BAZ1B: variants seen among roughly 807,000 people sequenced by gnomAD.
BAZ1B encodes the protein bromodomain adjacent to zinc finger domain 1B, also known as tyrosine-protein kinase BAZ1B.
Under a neutral mutation model 153.8 loss-of-function variants are expected in BAZ1B, and 22 were observed. That is an observed-to-expected ratio of 0.14 (90% CI 0.10 to 0.20). The LOEUF is 0.20. BAZ1B is among the 10% of genes least tolerant of loss of function. The probability of loss-of-function intolerance (pLI) is 1.00; values close to 1 mark genes in which losing one functional copy is unlikely to be tolerated. For missense variants in BAZ1B, 1,325 were observed against 1,799.3 expected (o/e 0.74, Z 4.77); for synonymous variants, 676 against 633.4 (o/e 1.07, Z -1.01).
intron 5 of BAZ1B, among the ~76,000 whole-genome samples, chr7:73,492,138 G>A (rs1353009184): frequency 4.0e-5 from 6 of 151,710 alleles, no homozygotes; most frequent in African/African-American, 1.2e-4. Context: ...GATTATAGGC[G>A]TGCGCCACCA....
Position 73,442,531 on chromosome 7 carries a change from C to A in BAZ1B, c.4117G>T (p.Ala1373Ser). The A allele has an allele frequency of 6.2e-7, 1 of 1,611,626 alleles. No individual in the cohort carries two copies. Among genetic ancestry groups the A allele is most frequent in the Non-Finnish European group, 8.5e-7 (1 of 1,178,192 alleles). ...PFREPVTRDEAEDYYDVITHP... is the reference protein window; with the variant it reads ...PFREPVTRDESEDYYDVITHP... ...GTGATCACATCATAGTAGTCCTCGG[C>A]CTCATCTCTGGTCACAGGCTCCCTG... is the stretch of plus-strand genomic sequence containing the variant. The change falls in exon 19 of 20, where the codon GCC (alanine) becomes TCC (serine). Residue 1373 changes from alanine (A) to serine (S), a missense_variant. By Grantham distance (99) the Ala-to-Ser change is moderately conservative (BLOSUM62 1). This residue lies in a region of BAZ1B where 271 missense variants were observed against 337.2 expected (regional missense o/e 0.80). Transcript: ENST00000339594.
chr7:73,463,996 G>A lies in BAZ1B; in HGVS notation c.3072-897C>T, dbSNP rs553365187. ...GCTGGGATTACAGGCGTGAGCCACC[G>A]CGGCCGGCCCTCCTCTGTCTTTCTT... On this transcript the variant is annotated intron_variant, in intron 11 of 19. Transcript: ENST00000339594. 1.3e-3 allele frequency: 658 copies of A among 507,570 alleles called. 4 individuals carry two copies. Among genetic ancestry groups the A allele is most frequent in the African/African-American group, 0.01 (496 of 47,758 alleles). 31.4% of individuals were successfully genotyped at this position (507,570 alleles called of 1,614,324 possible).
chr7:73,502,910 T>C (rs1273288952), intron 3 of BAZ1B, among the ~76,000 whole-genome samples: 2 of 152,224 alleles, frequency 1.3e-5, no homozygotes, highest in Non-Finnish European at 2.9e-5. Context: ...TTGAGCCTTC[T>C]ATAAATGTAA....
intron 1 of BAZ1B, among the ~76,000 whole-genome samples, chr7:73,513,533 G>A (rs1196101425): frequency 6.6e-6 from 1 of 152,086 alleles, no homozygotes; most frequent in Non-Finnish European, 1.5e-5. Context: ...TCCAATCACC[G>A]AAAAATTTTC....
chr7:73,481,003 T>C (rs1391840277), intron 6 of BAZ1B, among the ~76,000 whole-genome samples: 2 of 152,048 alleles, frequency 1.3e-5, no homozygotes, highest in Admixed American at 6.5e-5. Context: ...CCTGGCTCAC[T>C]GCAACCTCCA....
chr7:73,476,754 T>A, intron 7 of BAZ1B, 114 bp downstream of exon 7: 1 of 1,476,252 alleles, frequency 6.8e-7, no homozygotes, highest in Non-Finnish European at 9.0e-7. Flanking sequence ...AGGTGCTGGG[T>A]TATTACATAC....
Position 73,477,814 on chromosome 7 carries a change from C to A in BAZ1B, c.1647G>T (p.Lys549Asn). 1.9e-6 allele frequency: 3 copies of A among 1,613,992 alleles called. No homozygotes were observed. Among genetic ancestry groups the A allele is most frequent in the South Asian group, 1.1e-5 (1 of 91,074 alleles). The part of the protein sequence containing the change: ...SEEQRKEYLK[K>N]KREELKKKLK... ...ACTTCTTTTTCAGCTCCTCCCGTTTCTTTTTCAAATATTCTTTCCGTTGTT... is the reference window on the plus strand; with the variant it reads ...ACTTCTTTTTCAGCTCCTCCCGTTTATTTTTCAAATATTCTTTCCGTTGTT... The change falls in exon 7 of 20, where the codon AAG becomes AAT. Residue 549 changes from lysine (K) to asparagine (N), a missense_variant. By Grantham distance (94) the Lys-to-Asn change is moderately conservative. Transcript: ENST00000339594. The surrounding 1 kb of genome is among the most constrained non-coding windows in gnomAD (Gnocchi z 5.6).
chr7:73,448,965 G>A (rs1396911786), intron 15 of BAZ1B, among the ~76,000 whole-genome samples: 2 of 152,180 alleles, frequency 1.3e-5, no homozygotes, highest in African/African-American at 4.8e-5. Context: ...AAGAGGAGTT[G>A]AGAAGCCACC....
At chr7:73,484,464 C>G (rs1165217083) in intron 6 of BAZ1B, among the ~76,000 whole-genome samples, 2 of 151,920 alleles carry the variant, frequency 1.3e-5, no homozygotes, top group Admixed American at 1.3e-4. Flanking sequence ...CATGGCGAGA[C>G]CCTGTCTCTT....
intron 7 of BAZ1B, among the ~76,000 whole-genome samples, chr7:73,475,923 CAAAAAAAAAA>C (rs34851345): frequency 9.6e-5 from 11 of 113,992 alleles, no homozygotes; most frequent in Non-Finnish European, 1.4e-4. Context: ...GACTCCATCT[CAAAAAAAAAA>C]AAAAAAAAAT....
intron 4 of BAZ1B, among the ~76,000 whole-genome samples, chr7:73,493,332 T>A (rs1209543293): frequency 6.6e-6 from 1 of 151,490 alleles, no homozygotes; most frequent in Non-Finnish European, 1.5e-5. Flanking sequence ...TGGTGGTGCA[T>A]CCCTATAATC....
rs941623885 is a variant in BAZ1B, at chr7:73,515,962, C to T, written c.108-5110G>A. Among the ~76,000 whole-genome samples, 8 of 152,118 alleles carry T rather than the reference C, an allele frequency of 5.3e-5. 1 individual carries two copies. In the South Asian group the frequency reaches 1.0e-3, roughly 20 times the overall value. On this transcript the variant is annotated intron_variant, in intron 1 of 19. Coordinates refer to ENST00000339594, the MANE Select transcript of BAZ1B (RefSeq NM_032408.4). ...GTGTTCGAGACTAGCCTGGCCAACA[C>T]GGTGAAACCCCGTCTCTACTTAAAA...
chr7:73,512,439 T>C (rs782046485), intron 1 of BAZ1B, among the ~76,000 whole-genome samples: 1 of 152,184 alleles, frequency 6.6e-6, no homozygotes, highest in Non-Finnish European at 1.5e-5. Flanking sequence ...CTTAGAAGTA[T>C]TCCGGAAAGT....
chr7:73,511,837 A>G (rs1331666829), intron 1 of BAZ1B, among the ~76,000 whole-genome samples: 2 of 150,250 alleles, frequency 1.3e-5, no homozygotes, highest in Admixed American at 1.3e-4. Context: ...CCTGAGCAAC[A>G]TGGAGATACC....
At chr7:73,472,430 G>C (rs982172187) in intron 7 of BAZ1B, among the ~76,000 whole-genome samples, 1 of 151,096 alleles carries the variant, frequency 6.6e-6, no homozygotes, top group East Asian at 2.0e-4. Flanking sequence ...GGCTAATTTT[G>C]TATTTTTAGT....
intron 4 of BAZ1B, among the ~76,000 whole-genome samples, chr7:73,495,493 G>T (rs1789839472): frequency 6.6e-6 from 1 of 152,122 alleles, no homozygotes; most frequent in Non-Finnish European, 1.5e-5. Flanking sequence ...CAAAGGAATG[G>T]CAGGGAAGGA....
At chr7:73,503,549 A>C (rs1223159174) in intron 3 of BAZ1B, among the ~76,000 whole-genome samples, 1 of 151,112 alleles carries the variant, frequency 6.6e-6, no homozygotes, top group Admixed American at 6.6e-5. Flanking sequence ...AATTTTTATT[A>C]TTTTTTGTAG....
At chr7:73,473,044 C>T (rs1324738312) in intron 7 of BAZ1B, among the ~76,000 whole-genome samples, 2 of 152,010 alleles carry the variant, frequency 1.3e-5, no homozygotes, top group Non-Finnish European at 2.9e-5. Context: ...CTGGTTCAAG[C>T]AATTCTCCTG....
At chr7:73,500,727 C>A (rs1466778833) in intron 3 of BAZ1B, among the ~76,000 whole-genome samples, 1 of 151,162 alleles carries the variant, frequency 6.6e-6, no homozygotes, top group Admixed American at 6.6e-5. Context: ...TTCGTCTCTA[C>A]TAAAAATACA....
Sources: allele counts gnomAD v4.1 joint callset (sites outside exome capture counted in the v4.1 genomes callset), GRCh38; gene constraint gnomAD v4.1.1; regional missense constraint gnomAD v4.1.1; non-coding constraint Gnocchi (gnomAD v3.1); transcripts MANE v1.5; gene names NCBI Gene and HGNC (gene_info 2026-07-23, HGNC 2026-07-21).